Variants in ZNF668 observed in about 807,000 individuals in gnomAD.
ZNF668 encodes zinc finger protein 668.
In ZNF668, 10 loss-of-function variants were observed where a neutral mutation model predicts 40.3. The observed-to-expected ratio is 0.25, with a 90% CI of 0.15 to 0.42. ZNF668 has a LOEUF of 0.42. Among genes scored for constraint, ZNF668 ranks in the 10% least tolerant of loss-of-function variants. The probability of loss-of-function intolerance (pLI) is 1.00; values close to 1 mark genes in which losing one functional copy is unlikely to be tolerated. For missense variants in ZNF668, 749 were observed against 904.6 expected, an observed-to-expected ratio of 0.83 and a Z score of 2.21; for synonymous variants, 428 against 384.6, an observed-to-expected ratio of 1.11 and a Z score of -1.32.
chr16:31,072,511 T>A (rs537557284), intron 1 of ZNF668, among the ~76,000 whole-genome samples: 7 of 152,322 alleles, frequency 4.6e-5, no homozygotes, highest in African/African-American at 1.4e-4. Flanking sequence ...AGTTCTGCTG[T>A]CTCACTAGGC....
At chr16:31,064,550 C>T (rs1001608399) in intron 1 of ZNF668, 69 bp from the exon 2 acceptor site, 1 of 1,591,910 alleles carries the variant, frequency 6.3e-7, no homozygotes, top group African/African-American at 1.3e-5. Flanking sequence ...AGAGAGAACC[C>T]TATCTCATCT....
chr16:31,068,239 A>AAATATATATAT (rs1473353128), intron 1 of ZNF668, among the ~76,000 whole-genome samples: 8 of 82,990 alleles, frequency 9.6e-5, no homozygotes, highest in Admixed American at 5.3e-4. Flanking sequence ...AAAAAAAAAA[A>AAATATATATAT]ATATATATAT....
chr16:31,070,300 C>T lies in ZNF668; in HGVS notation c.-23+3359G>A, dbSNP rs181605621. ...TCTGCTCACTGCAACCTCCGCCTCC[C>T]GGGTTCAAGCGGTTCTCCTGCCTCA... On this transcript the variant is annotated intron_variant, in intron 1 of 2. Coordinates refer to ENST00000300849, the MANE Select transcript of ZNF668 (RefSeq NM_024706.5). Among the ~76,000 whole-genome samples the T allele has an allele frequency of 4.3e-3, 651 of 151,662 alleles. 4 individuals are homozygous for T. Among genetic ancestry groups the T allele is most frequent in the Non-Finnish European group, 6.5e-3 (441 of 67,914 alleles).
intron 1 of ZNF668, chr16:31,064,929 A>G: frequency 7.3e-6 from 10 of 1,366,474 alleles, no homozygotes; most frequent in Non-Finnish European, 9.4e-6. Context: ...GGCTGAGCCA[A>G]TGGGCTAAAT....
rs1281827724 is a variant in ZNF668, at chr16:31,062,214, C to T, written c.714G>A (p.Ser238=). 3.7e-6 allele frequency: 6 copies of T among 1,613,162 alleles called. No homozygotes were observed. The highest frequency in any genetic ancestry group is 2.2e-5 in the South Asian group (2 of 91,000). The change falls in exon 3 of 3, where the codon TCG becomes TCA. Residue 238 remains serine, a synonymous_variant. Transcript: ENST00000300849. ...CGTGGATGCGCTGGTGGCACGTGAG[C>T]GAGGATGAGCGGGAGAAGCTCTTCC... ...ECGKSFSRSS[S]LTCHQRIHAA... is the part of the protein sequence containing the mutation.
At chr16:31,065,093 A>C in intron 1 of ZNF668, 1 of 1,022,002 alleles carries the variant, frequency 9.8e-7, no homozygotes, top group East Asian at 9.3e-5. Flanking sequence ...GAATCTGTCC[A>C]CTCTCTGCTC....
chr16:31,072,618 C>A (rs892258627), intron 1 of ZNF668: 1 of 152,318 alleles, frequency 6.6e-6, no homozygotes, highest in African/African-American at 2.4e-5. Context: ...TCTAAACAAG[C>A]AGTCACCACA....
rs1421946605 is a variant in ZNF668, at chr16:31,061,203, G to C, written c.1725C>G (p.Pro575=). Reference sequence around the variant, plus strand: ...CACTCAAGAAGGCCTTGGGACAATGGGGGCAGGTGTAGGGGCGCACTGAGC... The same window carrying C: ...CACTCAAGAAGGCCTTGGGACAATGCGGGCAGGTGTAGGGGCGCACTGAGC... ...THSSVRPYTC[P]HCPKAFLSAS... Residue 575 remains proline, a synonymous_variant, in exon 3 of 3, where the codon CCC becomes CCG. Coordinates refer to ENST00000300849, the MANE Select transcript of ZNF668 (RefSeq NM_024706.5). This position sits in a 1 kb window ranked among gnomAD's most constrained non-coding sequence, Gnocchi z 7.7. 19 of 1,522,044 alleles carry C rather than the reference G, an allele frequency of 1.2e-5. No individual in the cohort carries two copies. Among genetic ancestry groups the C allele is most frequent in the Admixed American group, 2.2e-5 (1 of 44,884 alleles). The allele number at this position is 1,522,044 out of a possible 1,614,324, so 94.3% of individuals were successfully genotyped here.
In ZNF668 at chr16:31,064,090, G is replaced by T; in HGVS notation, c.370C>A (p.Pro124Thr). The change falls in exon 2 of 3, where the codon CCC becomes ACC. Residue 124 changes from proline (P) to threonine (T), a missense_variant. Physicochemically the swap from Pro to Thr is conservative, Grantham distance 38. This residue lies in a region of ZNF668 where 151 missense variants were observed against 178.6 expected (regional missense o/e 0.85). Transcript: ENST00000300849. ...GCCAGGTGCACGCGCAGGCACACGG[G>T]CTGCATGAAGCGGCGGCCGCACTCG... ...CPECGRRFMQ[P>T]VCLRVHLASH... The T allele has an allele frequency of 6.2e-7, 1 of 1,605,802 alleles. No homozygotes were observed. Among genetic ancestry groups the T allele is most frequent in the South Asian group, 1.1e-5 (1 of 90,802 alleles).
intron 1 of ZNF668, among the ~76,000 whole-genome samples, chr16:31,069,867 C>T (rs1226573301): frequency 4.7e-5 from 6 of 126,636 alleles, no homozygotes; most frequent in East Asian, 2.3e-4. Context: ...CTCCGCCTCC[C>T]GGGTTCATGC....
chr16:31,072,884 A>C (rs2057026654), intron 1 of ZNF668: 1 of 152,302 alleles, frequency 6.6e-6, no homozygotes. Context: ...AAGCCCCTTT[A>C]CATCCTTCAA....
At chr16:31,070,575 T>C (rs1345920665) in intron 1 of ZNF668, among the ~76,000 whole-genome samples, 2 of 146,096 alleles carry the variant, frequency 1.4e-5, no homozygotes, top group African/African-American at 2.5e-5. Context: ...AGTTTCACTC[T>C]TGTTGCCAAG....
In ZNF668 at chr16:31,069,868, G is replaced by A. The variant is rs1312739812; in HGVS notation, c.-23+3791C>T. Among the ~76,000 whole-genome samples, 4 of 120,136 alleles carry A rather than the reference G, an allele frequency of 3.3e-5. No individual in the cohort carries two copies. The East Asian group carries it at 7.6e-4, about 23-fold the overall frequency. The allele number at this position is 120,136 out of a possible 152,430, so 78.8% of individuals were successfully genotyped here. On this transcript the variant is annotated intron_variant, in intron 1 of 2. Coordinates refer to ENST00000300849, the MANE Select transcript of ZNF668 (RefSeq NM_024706.5). The stretch of plus-strand genomic sequence containing the variant: ...TGGCTCACTGCAAGCTCCGCCTCCC[G>A]GGTTCATGCCATTCTCCTGCCTTAG...
Position 31,063,818 on chromosome 16 carries a change from A to G in ZNF668, c.642T>C (p.His214=), listed in dbSNP as rs1259974788. ...AYAELKDLRN[H]ERSHTGERPF... is the part of the protein sequence containing the mutation. ...GCCCCGGAAGGCACCCTCACCGCTC[A>G]TGGTTGCGGAGGTCCTTGAGCTCCG... The change falls in exon 2 of 3, where the codon CAT becomes CAC. Residue 214 remains histidine (H), a synonymous_variant. Transcript: ENST00000300849. The G allele has an allele frequency of 1.7e-5, 26 of 1,567,992 alleles. No homozygotes were observed. The highest frequency in any genetic ancestry group is 2.3e-5 in the East Asian group (1 of 43,312).
rs966290005 is a variant in ZNF668, at chr16:31,074,102, T to C, written c.-466A>G. The stretch of plus-strand genomic sequence containing the variant: ...TTCACGAAGTTTTCTCCATCTGCCT[T>C]GGGAAAAGTCCTCCAGAGAGCCCCA... On this transcript the variant is annotated 5_prime_UTR_variant, in exon 1 of 3. Coordinates refer to ENST00000300849, the MANE Select transcript of ZNF668 (RefSeq NM_024706.5). 1 of 152,194 alleles carries C rather than the reference T, an allele frequency of 6.6e-6. No individual in the cohort carries two copies. Among genetic ancestry groups the C allele is most frequent in the Non-Finnish European group, 1.5e-5 (1 of 68,036 alleles). The allele number at this position is 152,194 out of a possible 1,614,324, so 9.4% of individuals were successfully genotyped here.
intron 1 of ZNF668, chr16:31,066,085 TTA>T: frequency 1.0e-6 from 1 of 985,368 alleles, no homozygotes; most frequent in Non-Finnish European, 1.2e-6. Flanking sequence ...GGCCACATCC[TTA>T]AAGTCAGCAC....
chr16:31,062,317 G>C (rs757835591), intron 2 of ZNF668, 37 bp from the exon 3 acceptor site: 2 of 1,549,586 alleles, frequency 1.3e-6, no homozygotes, highest in East Asian at 2.3e-5. Context: ...GAAGGCGACA[G>C]ACCCATAACG....
intron 1 of ZNF668, among the ~76,000 whole-genome samples, chr16:31,069,936 G>A (rs1346675549): frequency 4.6e-5 from 7 of 151,784 alleles, no homozygotes; most frequent in Non-Finnish European, 7.4e-5. Context: ...CACCACGCCC[G>A]GCTAATTTTT....
chr16:31,065,858 A>AAT (rs1039903476), intron 1 of ZNF668, among the ~76,000 whole-genome samples: 3 of 151,888 alleles, frequency 2.0e-5, no homozygotes, highest in African/African-American at 7.3e-5. Context: ...CGTCTCAAAA[A>AAT]AAAAAAAATA....
Sources: gnomAD v4.1 joint callset for allele counts (sites outside exome capture counted in the v4.1 genomes callset) on GRCh38, gnomAD v4.1.1 for gene constraint, gnomAD v4.1.1 regional missense constraint, Gnocchi (gnomAD v3.1) non-coding constraint, MANE v1.5 for transcripts, NCBI Gene and HGNC (gene_info 2026-07-23, HGNC 2026-07-21) for gene names.